MKI67: variants seen among roughly 807,000 people sequenced by gnomAD.
MKI67 encodes the protein marker of proliferation Ki-67.
A neutral mutation model predicts 233.5 loss-of-function variants in MKI67; 152 were observed. The ratio of observed to expected loss-of-function variants is 0.65; its 90% CI spans 0.57 to 0.74. The LOEUF is 0.74. Ranked by LOEUF, MKI67 falls within the 30% of genes least tolerant of loss-of-function variation. The pLI is 0.00. For missense variants in MKI67, 3,940 were observed against 3,885.2 expected (o/e 1.01, Z -0.37); for synonymous variants, 1,465 against 1,418.5 (o/e 1.03, Z -0.74).
intron 4 of MKI67, among the ~76,000 whole-genome samples, chr10:128,120,401 A>G (rs183330042): frequency 2.0e-5 from 3 of 152,254 alleles, no homozygotes; most frequent in Non-Finnish European, 4.4e-5. Flanking sequence ...CTGAGGCATG[A>G]GAATCACTTG....
chr10:128,126,307 C>CGGGGACCCGGTGGCCCTACAGGCT lies in MKI67; in HGVS notation c.-322_-299dup, dbSNP rs1314298951. Reference sequence around the variant, plus strand: ...CCGCTGCTCCCGCCGCCGCCTCTGACGGGGACCCGGTGGCCCTACAGGCTA... The same window carrying CGGGGACCCGGTGGCCCTACAGGCT: ...CCGCTGCTCCCGCCGCCGCCTCTGACGGGGACCCGGTGGCCCTACAGGCTGGGGACCCGGTGGCCCTACAGGCTA... On this transcript the variant is annotated 5_prime_UTR_variant, in exon 1 of 15. Coordinates refer to ENST00000368654, the MANE Select transcript of MKI67 (RefSeq NM_002417.5). The CGGGGACCCGGTGGCCCTACAGGCT allele has an allele frequency of 5.2e-5, 8 of 152,868 alleles. No individual in the cohort carries two copies. Among genetic ancestry groups the CGGGGACCCGGTGGCCCTACAGGCT allele is most frequent in the African/African-American group, 1.9e-4 (8 of 41,446 alleles). The allele number at this position is 152,868 out of a possible 1,614,324, so 9.5% of individuals were successfully genotyped here.
rs575254369 is a variant in MKI67, at chr10:128,119,299, T to C, written c.308A>G (p.Gln103Arg). The change falls in exon 5 of 15, where the codon CAG becomes CGG. Residue 103 changes from glutamine (Q) to arginine (R), a missense_variant. By Grantham distance (43) the Gln-to-Arg change is conservative. Coordinates refer to ENST00000368654, the MANE Select transcript of MKI67 (RefSeq NM_002417.5). ...RSFRYENESL[Q>R]NGRKSTEFPR... Reference sequence around the variant, plus strand: ...AAATTCAGTTGACTTCCTTCCATTCTGAAGACTTTCATTTTCATACCTGCA... The same window carrying C: ...AAATTCAGTTGACTTCCTTCCATTCCGAAGACTTTCATTTTCATACCTGCA... 1.1e-5 allele frequency: 17 copies of C among 1,606,214 alleles called. No individual in the cohort carries two copies. The South Asian group carries it at 1.9e-4, about 18-fold the overall frequency.
chr10:128,112,508 A>G (rs185669555), intron 8 of MKI67, 63 bp from the exon 9 acceptor site: 4 of 1,449,230 alleles, frequency 2.8e-6, no homozygotes, highest in South Asian at 2.5e-5. Flanking sequence ...GGAATGACTG[A>G]TAAAAACCTA....
Position 128,106,735 on chromosome 10 carries a change from C to T in MKI67, c.5105G>A (p.Gly1702Glu). ...GSKRQLRTPK[G>E]KSEVPEDLAG... ...CAGGTCTTCAGGGACTTCAGACTTT[C>T]CCTTAGGAGTTCTCAGCTGCCTCTT... The change falls in exon 13 of 15, where the codon GGA (glycine) becomes GAA (glutamate). Residue 1702 changes from glycine to glutamate, a missense_variant. Physicochemically the swap from Gly to Glu is moderately conservative, Grantham distance 98. Transcript: ENST00000368654. 1 of 1,612,910 alleles carries T rather than the reference C, an allele frequency of 6.2e-7. No homozygotes were observed. The highest frequency in any genetic ancestry group is 8.5e-7 in the Non-Finnish European group (1 of 1,179,690).
rs962965203 is a variant in MKI67 at position 128,109,165 on chromosome 10, T to A, written c.2675A>T (p.Lys892Met). The A allele has an allele frequency of 2.5e-6, 4 of 1,614,228 alleles. No homozygotes were observed. Among genetic ancestry groups the A allele is most frequent in the Non-Finnish European group, 3.4e-6 (4 of 1,180,040 alleles). The change falls in exon 13 of 15, where the codon AAG becomes ATG. Residue 892 changes from lysine to methionine, a missense_variant. Physicochemically the swap from Lys to Met is moderately conservative, Grantham distance 95. Transcript: ENST00000368654. ...AATTTCTGTATTTGTTTCTTCACTC[T>A]TACTTTCCACAGGTAGCTTCTGTAT... is the stretch of plus-strand genomic sequence containing the variant. ...RNIQKLPVES[K>M]SEETNTEIVE...
At chr10:128,110,965 T>C (rs1488192734) in intron 11 of MKI67, among the ~76,000 whole-genome samples, 1 of 152,232 alleles carries the variant, frequency 6.6e-6, no homozygotes, top group Non-Finnish European at 1.5e-5. Flanking sequence ...ACCCACATTT[T>C]AGAAAATGAC....
At chr10:128,119,345 C>T in intron 4 of MKI67, 26 bp from the exon 5 acceptor site, 4 of 1,537,590 alleles carry the variant, frequency 2.6e-6, no homozygotes, top group Non-Finnish European at 3.6e-6. Flanking sequence ...CGACAAAGAT[C>T]CTGATTAAAA....
chr10:128,116,900 C>T (rs371543818), intron 5 of MKI67, among the ~76,000 whole-genome samples: 1 of 152,158 alleles, frequency 6.6e-6, no homozygotes, highest in South Asian at 2.1e-4. Flanking sequence ...AAGCGAGACT[C>T]TGTCTCAAAA....
chr10:128,106,138 C>T lies in MKI67; in HGVS notation c.5702G>A (p.Gly1901Asp), dbSNP rs1388400851. The part of the protein sequence containing the change: ...LAFRKLTPSA[G>D]KAMHTPKAAV... ...TGCTTTAGGCGTGTGCATGGCTTTG[C>T]CTGCTGATGGTGTTAGTTTCCTGAA... Residue 1901 changes from glycine (G) to aspartate (D), a missense_variant, in exon 13 of 15, where the codon GGC becomes GAC. By Grantham distance (94) the Gly-to-Asp change is moderately conservative. Transcript: ENST00000368654. 5 of 1,613,892 alleles carry T rather than the reference C, an allele frequency of 3.1e-6. No individual in the cohort carries two copies. In the South Asian group the frequency reaches 5.5e-5, roughly 18 times the overall value.
chr10:128,123,469 C>T (rs1236977521), intron 2 of MKI67, among the ~76,000 whole-genome samples: 1 of 152,180 alleles, frequency 6.6e-6, no homozygotes, highest in East Asian at 1.9e-4. Context: ...CAAAGGAATA[C>T]TTACATCAAT....
At position 128,125,560 on chromosome 10, in the gene MKI67, C is replaced by CGCCCG; in HGVS notation, c.92+11_92+15dup. Reference sequence around the variant, plus strand: ...CTTTCTCAGCTAAAACGTCCGCGCGCGCCCGCGGGGCTCACCTTCCAAACA... The same window carrying CGCCCG: ...CTTTCTCAGCTAAAACGTCCGCGCGCGCCCGGCCCGCGGGGCTCACCTTCCAAACA... On this transcript the variant is annotated intron_variant, in intron 2 of 14. Transcript: ENST00000368654. The surrounding 1 kb of genome is among the most constrained non-coding windows in gnomAD (Gnocchi z 5.3). 6.2e-7 allele frequency: 1 copy of CGCCCG among 1,607,940 alleles called. No individual in the cohort carries two copies. The highest frequency in any genetic ancestry group is 8.5e-7 in the Non-Finnish European group (1 of 1,175,708).
intron 5 of MKI67, among the ~76,000 whole-genome samples, chr10:128,118,328 G>A (rs1329834511): frequency 6.6e-6 from 1 of 151,486 alleles, no homozygotes; most frequent in African/African-American, 2.4e-5. Flanking sequence ...CCCAGGAGGC[G>A]GAGGTTGCAG....
chr10:128,106,415 G>C lies in MKI67; in HGVS notation c.5425C>G (p.Pro1809Ala), dbSNP rs745567760. 5 of 1,613,234 alleles carry C rather than the reference G, an allele frequency of 3.1e-6. No individual in the cohort carries two copies. The highest frequency in any genetic ancestry group is 4.2e-6 in the Non-Finnish European group (5 of 1,179,836). The change falls in exon 13 of 15, where the codon CCA (proline) becomes GCA (alanine). Residue 1809 changes from proline (P) to alanine (A), a missense_variant. Pro to Ala is a conservative substitution (Grantham distance 27). Transcript: ENST00000368654. Reference sequence around the variant, plus strand: ...CTATTGCTGCCAGGTAAATTTCCTGGCTGGTCCAGTTTCTGCACTGGAGTT... The same window carrying C: ...CTATTGCTGCCAGGTAAATTTCCTGCCTGGTCCAGTTTCTGCACTGGAGTT... Reference protein sequence around the residue: ...LGTPVQKLDQPGNLPGSNRRL... With the variant: ...LGTPVQKLDQAGNLPGSNRRL...
At position 128,106,105 on chromosome 10, in the gene MKI67, C is replaced by T. The variant is rs140319432; in HGVS notation, c.5735G>A (p.Gly1912Asp). The change falls in exon 13 of 15, where the codon GGT becomes GAT. Residue 1912 changes from glycine (G) to aspartate (D), a missense_variant. Physicochemically the swap from Gly to Asp is moderately conservative, Grantham distance 94 (BLOSUM62 -1). Transcript: ENST00000368654. ...KAMHTPKAAV[G>D]EEKDINTFVG... The stretch of plus-strand genomic sequence containing the variant: ...AAATGTGTTGATGTCTTTCTCTTCA[C>T]CTACTGCTGCTTTAGGCGTGTGCAT... The T allele has an allele frequency of 5.6e-6, 9 of 1,613,900 alleles. No individual in the cohort carries two copies. In the African/African-American group the frequency reaches 1.2e-4, roughly 22 times the overall value.
rs1853043595 is a variant in MKI67 at position 128,125,805 on chromosome 10, C to A, written c.-89-49G>T. ...CTGATAGCAAAGGAGCTAAGAAGGGCCCCGTGCCCAATTCACCTATCCCCG... is the reference window on the plus strand; with the variant it reads ...CTGATAGCAAAGGAGCTAAGAAGGGACCCGTGCCCAATTCACCTATCCCCG... On this transcript the variant is annotated intron_variant, in intron 1 of 14. Transcript: ENST00000368654. The surrounding 1 kb of genome is among the most constrained non-coding windows in gnomAD (Gnocchi z 5.3). 4.4e-5 allele frequency: 33 copies of A among 751,626 alleles called. No homozygotes were observed. The highest frequency in any genetic ancestry group is 7.6e-5 in the Non-Finnish European group (33 of 433,396). 46.6% of individuals were successfully genotyped at this position (751,626 alleles called of 1,614,324 possible). A position where few individuals can be genotyped will look rare whatever the true frequency, so the allele number is the denominator to read the frequency against.
At position 128,108,345 on chromosome 10, in the gene MKI67, T is replaced by C. The variant is rs754479551; in HGVS notation, c.3495A>G (p.Lys1165=). 2.5e-6 allele frequency: 4 copies of C among 1,613,844 alleles called. No individual in the cohort carries two copies. Among genetic ancestry groups the C allele is most frequent in the Non-Finnish European group, 3.4e-6 (4 of 1,180,006 alleles). Residue 1165 remains lysine, a synonymous_variant, in exon 13 of 15, where the codon AAA becomes AAG. Transcript: ENST00000368654. The part of the protein sequence containing the change: ...DVEEEFLALR[K]LTPSAGKAML... Reference sequence around the variant, plus strand: ...TGGCTTTCCCTGCTGATGGTGTTAGTTTCCTGAGTGCTAAGAATTCTTCCT... The same window carrying C: ...TGGCTTTCCCTGCTGATGGTGTTAGCTTCCTGAGTGCTAAGAATTCTTCCT...
At position 128,107,418 on chromosome 10, in the gene MKI67, G is replaced by T. The variant is rs1852532094; in HGVS notation, c.4422C>A (p.Phe1474Leu). Residue 1474 changes from phenylalanine to leucine, a missense_variant, in exon 13 of 15, where the codon TTC becomes TTA. Physicochemically the swap from Phe to Leu is conservative, Grantham distance 22. Transcript: ENST00000368654. ...LEDLAGLKELFQTPVCTDKPT... is the reference protein window; with the variant it reads ...LEDLAGLKELLQTPVCTDKPT... ...GCTTGTCAGTGCATACTGGTGTCTG[G>T]AAGAGCTCTTTCAAGCCAGCCAGGT... 1 of 1,613,792 alleles carries T rather than the reference G, an allele frequency of 6.2e-7. No individual in the cohort carries two copies. Among genetic ancestry groups the T allele is most frequent in the South Asian group, 1.1e-5 (1 of 91,070 alleles).
At chr10:128,099,634 C>A (rs1378111287) in intron 14 of MKI67, among the ~76,000 whole-genome samples, 1 of 152,202 alleles carries the variant, frequency 6.6e-6, no homozygotes, top group Non-Finnish European at 1.5e-5. Flanking sequence ...AACCAAGGAA[C>A]CCCTGTAGAC....
At chr10:128,122,218 C>A (rs1272938617) in intron 4 of MKI67, among the ~76,000 whole-genome samples, 1 of 152,094 alleles carries the variant, frequency 6.6e-6, no homozygotes, top group Non-Finnish European at 1.5e-5. Flanking sequence ...AAGGTGTCAG[C>A]TGGATTGGAT....
Sources: allele counts gnomAD v4.1 joint callset (sites outside exome capture counted in the v4.1 genomes callset), GRCh38; gene constraint gnomAD v4.1.1; non-coding constraint Gnocchi (gnomAD v3.1); transcripts MANE v1.5; gene names NCBI Gene and HGNC (gene_info 2026-07-23, HGNC 2026-07-21).